The following CPQ variants were observed in gnomAD, a reference collection of about 807,000 sequenced individuals.
The protein encoded by CPQ is carboxypeptidase Q.
CPQ carries 37 observed loss-of-function variants against 45.7 expected under a neutral mutation model. The observed-to-expected ratio is 0.81, with a 90% CI of 0.62 to 1.07. The LOEUF is 1.07. Among genes scored for constraint, CPQ ranks in the 50% least tolerant of loss-of-function variants. The pLI is 0.00. For missense variants in CPQ, 537 were observed against 572.9 expected (o/e 0.94, Z 0.64); for synonymous variants, 186 against 205.8 (o/e 0.90, Z 0.82).
Position 97,143,321 on chromosome 8 carries a change from C to T in CPQ, c.*138C>T. 1.3e-6 allele frequency: 1 copy of T among 798,716 alleles called. No individual in the cohort carries two copies. The highest frequency in any genetic ancestry group is 1.9e-6 in the Non-Finnish European group (1 of 516,626). 49.5% of individuals were successfully genotyped at this position (798,716 alleles called of 1,614,324 possible). A position where few individuals can be genotyped will look rare whatever the true frequency, so the allele number is the denominator to read the frequency against. ...TCTATTTCATGCTTTCTGTTATTAT[C>T]TTTCTTGATACTTTCCAAATTCTCT... On this transcript the variant is annotated 3_prime_UTR_variant, in exon 8 of 8. Coordinates refer to ENST00000220763, the MANE Select transcript of CPQ (RefSeq NM_016134.4).
At chr8:96,995,301 CATT>C (rs1214687056) in intron 5 of CPQ, among the ~76,000 whole-genome samples, 1 of 151,960 alleles carries the variant, frequency 6.6e-6, no homozygotes, top group Non-Finnish European at 1.5e-5. Context: ...CAAGAAATAT[CATT>C]ATAGTGAAGA....
intron 1 of CPQ, among the ~76,000 whole-genome samples, chr8:96,702,961 T>C (rs1156340701): frequency 6.6e-6 from 1 of 152,182 alleles, no homozygotes; most frequent in Non-Finnish European, 1.5e-5. Context: ...AAAATGTGTG[T>C]GTTAGATAAC....
intron 7 of CPQ, among the ~76,000 whole-genome samples, chr8:97,066,950 A>C (rs1810648576): frequency 9.8e-6 from 1 of 101,696 alleles, no homozygotes; most frequent in African/African-American, 3.8e-5. Flanking sequence ...TTTTTTAGAC[A>C]GGGTCTCACT....
chr8:97,139,840 A>C (rs1032713983), intron 7 of CPQ, among the ~76,000 whole-genome samples: 1 of 152,008 alleles, frequency 6.6e-6, no homozygotes, highest in Non-Finnish European at 1.5e-5. Flanking sequence ...AAAGAAAAGC[A>C]AATAAATCCA....
intron 1 of CPQ, among the ~76,000 whole-genome samples, chr8:96,753,891 C>T (rs1228419102): frequency 1.3e-5 from 2 of 151,822 alleles, no homozygotes; most frequent in South Asian, 2.1e-4. Flanking sequence ...AGGAAATACA[C>T]TTAGCTTCCT....
At chr8:96,684,764 G>A (rs1809203640) in intron 1 of CPQ, among the ~76,000 whole-genome samples, 1 of 152,128 alleles carries the variant, frequency 6.6e-6, no homozygotes, top group Admixed American at 6.6e-5. Flanking sequence ...GATAGTGTGG[G>A]GAGGTACGAG....
At chr8:96,873,696 T>C (rs1235743448) in intron 3 of CPQ, among the ~76,000 whole-genome samples, 1 of 151,776 alleles carries the variant, frequency 6.6e-6, no homozygotes, top group African/African-American at 2.4e-5. Context: ...CAGACCTTTT[T>C]TTAGGAAACA....
rs562066347 is a variant in CPQ, at chr8:96,851,546, C to T, written c.641+16366C>T. On this transcript the variant is annotated intron_variant, in intron 3 of 7. Coordinates refer to ENST00000220763, the MANE Select transcript of CPQ (RefSeq NM_016134.4). ...AGAGGGGAGGAACGCTGTGTCCTCACATGTGGAAGAACAGAGGGACAAGTG... is the reference window on the plus strand; with the variant it reads ...AGAGGGGAGGAACGCTGTGTCCTCATATGTGGAAGAACAGAGGGACAAGTG... Among the ~76,000 whole-genome samples the T allele has an allele frequency of 4.0e-4, 61 of 152,284 alleles. No homozygotes were observed. The South Asian group carries it at 0.012, about 31-fold the overall frequency.
At position 96,742,096 on chromosome 8, in the gene CPQ, A is replaced by T. The variant is rs1286085624; in HGVS notation, c.-34-42768A>T. On this transcript the variant is annotated intron_variant, in intron 1 of 7. Transcript: ENST00000220763. ...GGGGTGTTAAAGTCTCCCATTATTA[A>T]TGTGTGGGAGTCTAAGTCTCTTTGT... Among the ~76,000 whole-genome samples the T allele has an allele frequency of 2.4e-4, 34 of 143,044 alleles. 1 individual carries two copies. The highest frequency in any genetic ancestry group is 2.1e-3 in the Admixed American group (29 of 14,144). 93.8% of individuals were successfully genotyped at this position (143,044 alleles called of 152,430 possible).
rs115768106 is a variant in CPQ, at chr8:96,897,887, A to G, written c.849+17882A>G. On this transcript the variant is annotated intron_variant, in intron 4 of 7. Transcript: ENST00000220763. Reference sequence around the variant, plus strand: ...ATTCAGCAGTTAGAGCTTCCCTTTTAATTTGCATACCATGCCGAAGAAGAG... The same window carrying G: ...ATTCAGCAGTTAGAGCTTCCCTTTTGATTTGCATACCATGCCGAAGAAGAG... Among the ~76,000 whole-genome samples the G allele has an allele frequency of 8.5e-3, 1,289 of 152,258 alleles. 26 individuals carry two copies. Among genetic ancestry groups the G allele is most frequent in the African/African-American group, 0.03 (1,236 of 41,564 alleles).
chr8:97,095,739 C>T (rs1306753135), intron 7 of CPQ, among the ~76,000 whole-genome samples: 2 of 152,164 alleles, frequency 1.3e-5, no homozygotes, highest in Non-Finnish European at 2.9e-5. Flanking sequence ...TCTTTTAAGG[C>T]TTAGCACAGA....
intron 6 of CPQ, among the ~76,000 whole-genome samples, chr8:97,032,330 G>A (rs1809921832): frequency 6.6e-6 from 1 of 152,146 alleles, no homozygotes; most frequent in Non-Finnish European, 1.5e-5. Flanking sequence ...ATGCCTTTGA[G>A]TATTGACATC....
chr8:96,858,151 AG>A (rs1811874539), intron 3 of CPQ, among the ~76,000 whole-genome samples: 1 of 152,178 alleles, frequency 6.6e-6, no homozygotes. Context: ...CTGTGTCTTA[AG>A]GGAGAATGTA....
chr8:97,133,955 G>T (rs545577449), intron 7 of CPQ, among the ~76,000 whole-genome samples: 2 of 152,174 alleles, frequency 1.3e-5, no homozygotes, highest in African/African-American at 4.8e-5. Flanking sequence ...AACATACTGA[G>T]TTCTACATAA....
chr8:97,071,677 G>C (rs976901309), intron 7 of CPQ, among the ~76,000 whole-genome samples: 1 of 152,146 alleles, frequency 6.6e-6, no homozygotes, highest in African/African-American at 2.4e-5. Flanking sequence ...ACTGCTTCTA[G>C]AATGAACTTT....
At chr8:97,113,929 G>A (rs751524973) in intron 7 of CPQ, among the ~76,000 whole-genome samples, 1 of 152,196 alleles carries the variant, frequency 6.6e-6, no homozygotes, top group Non-Finnish European at 1.5e-5. Context: ...AACGTGGGCA[G>A]CAGAGTGTCC....
At chr8:96,651,187 G>A (rs1454022731) in intron 1 of CPQ, among the ~76,000 whole-genome samples, 1 of 152,178 alleles carries the variant, frequency 6.6e-6, no homozygotes. Flanking sequence ...CACCTAACAG[G>A]TATGCCATTG....
At chr8:96,670,982 A>G (rs983701341) in intron 1 of CPQ, among the ~76,000 whole-genome samples, 2 of 152,134 alleles carry the variant, frequency 1.3e-5, no homozygotes, top group African/African-American at 4.8e-5. Context: ...TCTCAATGGC[A>G]GTATCCTGCT....
intron 1 of CPQ, among the ~76,000 whole-genome samples, chr8:96,687,840 C>T (rs957747578): frequency 6.6e-6 from 1 of 151,820 alleles, no homozygotes; most frequent in African/African-American, 2.4e-5. Flanking sequence ...CAGATGTATA[C>T]ATTGTTTTTC....
Sources: gnomAD v4.1 joint callset for allele counts (sites outside exome capture counted in the v4.1 genomes callset) on GRCh38, gnomAD v4.1.1 for gene constraint, MANE v1.5 for transcripts, NCBI Gene and HGNC (gene_info 2026-07-23, HGNC 2026-07-21) for gene names.